The following CAMK2B variants were observed in gnomAD, a reference collection of about 807,000 sequenced individuals.
CAMK2B encodes the protein calcium/calmodulin dependent protein kinase II beta.
In CAMK2B, 27 loss-of-function variants were observed where a neutral mutation model predicts 93.7. That is an observed-to-expected ratio of 0.29 (90% CI 0.21 to 0.40). The LOEUF (loss-of-function observed/expected upper bound fraction) is 0.40. CAMK2B is among the 10% of genes least tolerant of loss of function. CAMK2B has a pLI of 1.00. For missense variants in CAMK2B, 568 were observed against 895.8 expected (o/e 0.63, Z 4.67); for synonymous variants, 374 against 358.8 (o/e 1.04, Z -0.48).
intron 1 of CAMK2B, among the ~76,000 whole-genome samples, chr7:44,318,596 C>T (rs1332406042): frequency 6.6e-6 from 1 of 152,246 alleles, no homozygotes; most frequent in East Asian, 1.9e-4. Context: ...GAGGGCATTA[C>T]AGCAAAAGGC....
chr7:44,285,811 C>CGG (rs557158703), intron 1 of CAMK2B, among the ~76,000 whole-genome samples: 16 of 89,352 alleles, frequency 1.8e-4, no homozygotes, highest in Admixed American at 1.8e-3. Flanking sequence ...GGAGATGCGG[C>CGG]GGGGGGGAGG....
intron 15 of CAMK2B, 89 bp from the exon 16 acceptor site, chr7:44,232,955 C>CT: frequency 8.3e-7 from 1 of 1,209,028 alleles, no homozygotes; most frequent in Non-Finnish European, 1.2e-6. Flanking sequence ...AACAGGGAGA[C>CT]AGAGGAGGTG....
rs942288230 is a variant in CAMK2B, at chr7:44,224,511, A to C, written c.1597+2005T>G. The stretch of plus-strand genomic sequence containing the variant: ...CACGAGCCAAGAGCCTCTGCAAGTC[A>C]GGCCTTCCAGGTGCCCTGACATGAA... On this transcript the variant is annotated intron_variant, in intron 20 of 23. Coordinates refer to ENST00000395749, the MANE Select transcript of CAMK2B (RefSeq NM_001220.5). This position sits in a 1 kb window ranked among gnomAD's most constrained non-coding sequence, Gnocchi z 4.4. 9.9e-5 allele frequency among the ~76,000 whole-genome samples: 15 copies of C among 152,204 alleles called. No homozygotes were observed. Among genetic ancestry groups the C allele is most frequent in the Admixed American group, 9.8e-4 (15 of 15,292 alleles).
In CAMK2B at chr7:44,220,125, G is replaced by A. The variant is rs761759252; in HGVS notation, c.1938C>T (p.Arg646=). 90 of 1,611,816 alleles carry A rather than the reference G, an allele frequency of 5.6e-5. No homozygotes were observed. Among genetic ancestry groups the A allele is most frequent in the South Asian group, 2.6e-4 (24 of 91,014 alleles). The change falls in exon 23 of 24, where the codon CGC becomes CGT. Residue 646 remains arginine (R), a synonymous_variant. Coordinates refer to ENST00000395749, the MANE Select transcript of CAMK2B (RefSeq NM_001220.5). ...AGTGCACGTTCTGCCACTTGCCGTC[G>A]CGGCGGTGCCACACGCGGGTCTCCT... The part of the protein sequence containing the change: ...QSEETRVWHR[R]DGKWQNVHFH...
chr7:44,249,665 C>T (rs1349135459), intron 5 of CAMK2B, among the ~76,000 whole-genome samples: 1 of 152,178 alleles, frequency 6.6e-6, no homozygotes, highest in African/African-American at 2.4e-5. Context: ...CTTGTGGTCA[C>T]CAGGAAGTGC....
chr7:44,250,203 C>G (rs1361810662), intron 5 of CAMK2B, among the ~76,000 whole-genome samples: 1 of 152,230 alleles, frequency 6.6e-6, no homozygotes, highest in Non-Finnish European at 1.5e-5. Flanking sequence ...GTCCCCTGCA[C>G]TTTAGGGACC....
intron 5 of CAMK2B, among the ~76,000 whole-genome samples, chr7:44,249,815 G>A (rs774060228): frequency 3.9e-5 from 6 of 152,186 alleles, no homozygotes; most frequent in African/African-American, 7.2e-5. Context: ...CTCTGGCCAC[G>A]CCCTGTATCC....
chr7:44,291,658 CACTT>C (rs2129141542), intron 1 of CAMK2B, among the ~76,000 whole-genome samples: 1 of 152,356 alleles, frequency 6.6e-6, no homozygotes, highest in African/African-American at 2.4e-5. Context: ...ATCATATACT[CACTT>C]ATAGGAAAGA....
intron 6 of CAMK2B, among the ~76,000 whole-genome samples, chr7:44,245,485 C>G (rs1584134374): frequency 6.6e-6 from 1 of 152,212 alleles, no homozygotes; most frequent in Non-Finnish European, 1.5e-5. Context: ...ACCTCTACTT[C>G]TATGCCTTGG....
At chr7:44,287,387 G>A (rs1156446232) in intron 1 of CAMK2B, among the ~76,000 whole-genome samples, 1 of 152,066 alleles carries the variant, frequency 6.6e-6, no homozygotes, top group African/African-American at 2.4e-5. Context: ...CCCCATAATG[G>A]CTGTCCACCC....
intron 4 of CAMK2B, among the ~76,000 whole-genome samples, chr7:44,258,410 C>A (rs1399791304): frequency 6.6e-6 from 1 of 152,252 alleles, no homozygotes; most frequent in Admixed American, 6.5e-5. Context: ...CCCCCACGTG[C>A]AAACACCCAC....
At chr7:44,293,463 G>A (rs1204842581) in intron 1 of CAMK2B, among the ~76,000 whole-genome samples, 3 of 152,164 alleles carry the variant, frequency 2.0e-5, no homozygotes, top group Non-Finnish European at 4.4e-5. Context: ...GATCGAGTTT[G>A]TACAGGTTTT....
In CAMK2B at chr7:44,284,183, G is replaced by A. The variant is rs749784617; in HGVS notation, c.108C>T (p.Thr36=). Residue 36 remains threonine, a synonymous_variant, in exon 2 of 24, where the codon ACC becomes ACT. Coordinates refer to ENST00000395749, the MANE Select transcript of CAMK2B (RefSeq NM_001220.5). The part of the protein sequence containing the change: ...SVVRRCVKLC[T]GHEYAAKIIN... Reference sequence around the variant, plus strand: ...TGATCTTGGCTGCATACTCATGGCCGGTGCAGAGCTTGACACAGCGTCGGA... The same window carrying A: ...TGATCTTGGCTGCATACTCATGGCCAGTGCAGAGCTTGACACAGCGTCGGA... The A allele has an allele frequency of 1.6e-5, 26 of 1,613,702 alleles. No individual in the cohort carries two copies. Among genetic ancestry groups the A allele is most frequent in the East Asian group, 2.2e-5 (1 of 44,890 alleles).
chr7:44,219,097 G>A lies in CAMK2B; in HGVS notation c.*428C>T, dbSNP rs1228932109. ...AGGAGGATGCAGACACCTTAGGTGTGGGGTGTGTGCGTTACCTACAAACTA... is the reference window on the plus strand; with the variant it reads ...AGGAGGATGCAGACACCTTAGGTGTAGGGTGTGTGCGTTACCTACAAACTA... On this transcript the variant is annotated 3_prime_UTR_variant, in exon 24 of 24. Coordinates refer to ENST00000395749, the MANE Select transcript of CAMK2B (RefSeq NM_001220.5). 1 of 152,224 alleles carries A rather than the reference G, an allele frequency of 6.6e-6. No individual in the cohort carries two copies. The highest frequency in any genetic ancestry group is 2.4e-5 in the African/African-American group (1 of 41,414). The allele number at this position is 152,224 out of a possible 1,614,324, so 9.4% of individuals were successfully genotyped here.
chr7:44,264,217 G>A (rs1165021696), intron 2 of CAMK2B, among the ~76,000 whole-genome samples: 4 of 152,196 alleles, frequency 2.6e-5, no homozygotes, highest in Admixed American at 2.6e-4. Context: ...GGGAAAGAAT[G>A]AGGCTGCAAC....
chr7:44,281,124 C>G (rs1209902719), intron 2 of CAMK2B, among the ~76,000 whole-genome samples: 1 of 152,270 alleles, frequency 6.6e-6, no homozygotes, highest in African/African-American at 2.4e-5. Flanking sequence ...GTGCACACAG[C>G]AACCACGCGG....
intron 1 of CAMK2B, among the ~76,000 whole-genome samples, chr7:44,296,374 A>G (rs1281261099): frequency 2.0e-5 from 3 of 152,206 alleles, no homozygotes; most frequent in Non-Finnish European, 4.4e-5. Flanking sequence ...TATCAATAGG[A>G]ACTTCTAAAA....
In CAMK2B at chr7:44,242,647, G is replaced by A; in HGVS notation, c.609C>T (p.Ile203=). ...KPVDIWACGV[I]LYILLVGYPP... ...GGTAGCCCACGAGCAGGATGTACAG[G>A]ATCACCCCTGCGGATGGGGCCTGTG... Residue 203 remains isoleucine, a synonymous_variant, in exon 9 of 24, where the codon ATC becomes ATT. Coordinates refer to ENST00000395749, the MANE Select transcript of CAMK2B (RefSeq NM_001220.5). The A allele has an allele frequency of 3.7e-6, 6 of 1,610,180 alleles. No individual in the cohort carries two copies. The highest frequency in any genetic ancestry group is 4.2e-6 in the Non-Finnish European group (5 of 1,178,268).
At chr7:44,238,469 C>T (rs187949086) in intron 13 of CAMK2B, among the ~76,000 whole-genome samples, 2 of 152,200 alleles carry the variant, frequency 1.3e-5, no homozygotes, top group Non-Finnish European at 2.9e-5. Context: ...TCTGGAAAGG[C>T]CTGTCAAATG....
Sources: allele counts gnomAD v4.1 joint callset (sites outside exome capture counted in the v4.1 genomes callset), GRCh38; gene constraint gnomAD v4.1.1; non-coding constraint Gnocchi (gnomAD v3.1); transcripts MANE v1.5; gene names NCBI Gene and HGNC (gene_info 2026-07-23, HGNC 2026-07-21).